The following C3orf49 variants were observed in gnomAD, a reference collection of about 807,000 sequenced individuals.
C3orf49 encodes chromosome 3 open reading frame 49.
Under a neutral mutation model 13.3 loss-of-function variants are expected in C3orf49, and 27 were observed. The ratio of observed to expected loss-of-function variants is 2.02; its 90% CI spans 1.49 to 2.79. The LOEUF (loss-of-function observed/expected upper bound fraction) is 2.79, where lower values mean the gene tolerates loss of function less well. Ranked by LOEUF, C3orf49 falls within the 30% of genes most tolerant of loss-of-function variation. The pLI, the probability that C3orf49 is intolerant of heterozygous loss-of-function variation, is 0.00. For synonymous variants in C3orf49, 87 were observed against 47.6 expected, an observed-to-expected ratio of 1.83 and a Z score of -3.40; for missense variants, 242 against 134.2, an observed-to-expected ratio of 1.80 and a Z score of -3.97.
intron 3 of C3orf49, among the ~76,000 whole-genome samples, chr3:63,829,907 A>T (rs572495978): frequency 6.6e-6 from 1 of 152,308 alleles, no homozygotes; most frequent in South Asian, 2.1e-4. Context: ...TCAAGGCTTT[A>T]GTGAGCCATG....
At chr3:63,796,498 T>A in the C3orf49 span, among the ~76,000 whole-genome samples, 5 of 152,160 alleles carry the variant, frequency 3.3e-5, no homozygotes, top group East Asian at 1.9e-4. Flanking sequence ...TTCAATTAAA[T>A]CACTATCTTT....
chr3:63,806,395 G>A, the C3orf49 span, among the ~76,000 whole-genome samples: 1 of 152,192 alleles, frequency 6.6e-6, no homozygotes, highest in Non-Finnish European at 1.5e-5. Flanking sequence ...CCTTCCCTTA[G>A]TGTTGGCTTT....
chr3:63,827,826 T>C (rs1412500077), intron 3 of C3orf49, 101 bp downstream of exon 3: 2 of 606,518 alleles, frequency 3.3e-6, no homozygotes, highest in East Asian at 2.8e-5. Flanking sequence ...TCCTCCACAA[T>C]AAGCCCTTTA....
chr3:63,812,908 G>A, the C3orf49 span, among the ~76,000 whole-genome samples: 5 of 152,164 alleles, frequency 3.3e-5, no homozygotes, highest in South Asian at 2.1e-4. Context: ...ACTTTCACTC[G>A]TAATCTCCAG....
intron 6 of C3orf49, among the ~76,000 whole-genome samples, chr3:63,847,458 C>G (rs1701922576): frequency 6.6e-6 from 1 of 152,164 alleles, no homozygotes; most frequent in Non-Finnish European, 1.5e-5. Flanking sequence ...GAAAAGAAGG[C>G]CGGGTGCAGT....
the C3orf49 span, among the ~76,000 whole-genome samples, chr3:63,812,689 A>G: frequency 1.3e-4 from 20 of 152,300 alleles, no homozygotes; most frequent in South Asian, 3.3e-3. Flanking sequence ...GAGTTGTTTT[A>G]TGAATCAATT....
the C3orf49 span, among the ~76,000 whole-genome samples, chr3:63,806,927 T>C: frequency 6.6e-6 from 1 of 152,166 alleles, no homozygotes; most frequent in Non-Finnish European, 1.5e-5. Flanking sequence ...ATGTGTTTAT[T>C]TGATAACTGA....
the C3orf49 span, among the ~76,000 whole-genome samples, chr3:63,789,997 G>A: frequency 2.0e-5 from 3 of 152,020 alleles, no homozygotes; most frequent in Non-Finnish European, 2.9e-5. Context: ...TGGACTATTA[G>A]AGCCATTATC....
the C3orf49 span, chr3:63,787,357 TC>T: frequency 6.6e-6 from 1 of 152,198 alleles, no homozygotes; most frequent in East Asian, 1.9e-4. Context: ...CTGAGAGCAC[TC>T]ACAGACACTG....
chr3:63,807,696 A>T, the C3orf49 span, among the ~76,000 whole-genome samples: 1 of 151,856 alleles, frequency 6.6e-6, no homozygotes, highest in African/African-American at 2.4e-5. Context: ...GTCTCTACTG[A>T]GAATACAAAA....
chr3:63,802,475 C>T, the C3orf49 span, among the ~76,000 whole-genome samples: 1 of 152,190 alleles, frequency 6.6e-6, no homozygotes, highest in East Asian at 1.9e-4. Context: ...TAGCCTTTAT[C>T]TGCAGGTGTA....
intron 3 of C3orf49, 37 bp downstream of exon 3, chr3:63,827,762 A>G: frequency 1.4e-6 from 1 of 698,488 alleles, no homozygotes; most frequent in Non-Finnish European, 2.6e-6. Flanking sequence ...GAAGACTTAC[A>G]CATAACTCAA....
chr3:63,781,831 A>G, the C3orf49 span, among the ~76,000 whole-genome samples: 1 of 152,118 alleles, frequency 6.6e-6, no homozygotes, highest in Non-Finnish European at 1.5e-5. Context: ...ACTCCTAAGC[A>G]TTTTTTAAGT....
intron 5 of C3orf49, chr3:63,835,025 C>T (rs867863832): frequency 9.4e-6 from 8 of 851,190 alleles, no homozygotes; most frequent in Middle Eastern, 3.0e-4. Context: ...TACCTTCTAA[C>T]GTCATCCAGC....
chr3:63,834,502 A>G (rs1041223019), intron 5 of C3orf49, among the ~76,000 whole-genome samples: 2 of 152,036 alleles, frequency 1.3e-5, no homozygotes, highest in South Asian at 4.1e-4. Flanking sequence ...TCTACTAAAA[A>G]TACTAAAATT....
chr3:63,831,204 T>C lies in C3orf49; in HGVS notation c.665T>C (p.Val222Ala), dbSNP rs777479490. Residue 222 changes from valine (V) to alanine (A), a missense_variant, in exon 4 of 7, where the codon GTA becomes GCA. Transcript: ENST00000295896. ...ATCCTTCGAAAATCAGATTTGACAG[T>C]AGGAAAGCTTCAAATGCAGGTAGTG... ...ENILRKSDLT[V>A]GKLQMQVDDL... The C allele has an allele frequency of 1.7e-5, 12 of 702,612 alleles. No individual in the cohort carries two copies. The highest frequency in any genetic ancestry group is 3.1e-5 in the Non-Finnish European group (12 of 384,922). The allele number at this position is 702,612 out of a possible 1,614,324, so 43.5% of individuals were successfully genotyped here.
At chr3:63,819,812 G>A (rs1189805938) in intron 1 of C3orf49, among the ~76,000 whole-genome samples, 7 of 152,206 alleles carry the variant, frequency 4.6e-5, no homozygotes, top group Admixed American at 2.6e-4. Context: ...CTTTCCACTC[G>A]AAATTAAGTT....
At chr3:63,803,165 C>G in the C3orf49 span, among the ~76,000 whole-genome samples, 1 of 152,192 alleles carries the variant, frequency 6.6e-6, no homozygotes, top group South Asian at 2.1e-4. Context: ...AATCATGTCT[C>G]TTTCCTGCAC....
the C3orf49 span, among the ~76,000 whole-genome samples, chr3:63,796,872 T>C: frequency 6.6e-6 from 1 of 152,124 alleles, no homozygotes; most frequent in Non-Finnish European, 1.5e-5. Context: ...GCCATATAAT[T>C]TTCTTTCTCC....
Sources: gnomAD v4.1 joint callset for allele counts (sites outside exome capture counted in the v4.1 genomes callset) on GRCh38, gnomAD v4.1.1 for gene constraint, MANE v1.5 for transcripts, NCBI Gene and HGNC (gene_info 2026-07-23, HGNC 2026-07-21) for gene names.